The following KCNMB2 variants were observed in gnomAD, a reference collection of about 807,000 sequenced individuals.
The protein encoded by KCNMB2 is calcium-activated potassium channel subunit beta-2.
In KCNMB2, 9 loss-of-function variants were observed where a neutral mutation model predicts 24.5. The ratio of observed to expected loss-of-function variants is 0.37; its 90% CI spans 0.22 to 0.64. KCNMB2 has a LOEUF of 0.64. Ranked by LOEUF, KCNMB2 falls within the 30% of genes least tolerant of loss-of-function variation. The pLI is 0.63. For synonymous variants in KCNMB2, 109 were observed against 104.4 expected (o/e 1.04, Z -0.27); for missense variants, 226 against 284.3 (o/e 0.79, Z 1.47).
At chr3:178,600,057 T>C (rs1718023813) in intron 1 of KCNMB2, among the ~76,000 whole-genome samples, 1 of 152,136 alleles carries the variant, frequency 6.6e-6, no homozygotes, top group South Asian at 2.1e-4. Context: ...TTTGTATTTT[T>C]AGTAGAGAAG....
intron 1 of KCNMB2, among the ~76,000 whole-genome samples, chr3:178,609,691 C>A (rs1442650019): frequency 6.6e-6 from 1 of 151,500 alleles, no homozygotes; most frequent in African/African-American, 2.4e-5. Context: ...GCTTGGAGTG[C>A]AGTGGTGCCA....
intron 1 of KCNMB2, among the ~76,000 whole-genome samples, chr3:178,693,068 A>G (rs1280574055): frequency 6.6e-6 from 1 of 152,220 alleles, no homozygotes; most frequent in Non-Finnish European, 1.5e-5. Flanking sequence ...GCTGGTGTAT[A>G]GAAATGCTCA....
rs148337239 is a variant in KCNMB2 at position 178,541,330 on chromosome 3, C to T, written c.-68+4619C>T. Among the ~76,000 whole-genome samples the T allele has an allele frequency of 8.8e-3, 1,339 of 152,216 alleles. 14 individuals carry two copies. The highest frequency in any genetic ancestry group is 0.03 in the South Asian group (145 of 4,812). On this transcript the variant is annotated intron_variant, in intron 1 of 4. Coordinates refer to ENST00000452583, the MANE Select transcript of KCNMB2 (RefSeq NM_181361.3). ...CAAATGACTATAAATGTTGACACGT[C>T]CTATATTTTCTTTGCTCTCCCCTGG...
intron 1 of KCNMB2, chr3:178,558,810 T>C (rs1210599685): frequency 6.6e-6 from 1 of 152,240 alleles, no homozygotes; most frequent in Non-Finnish European, 1.5e-5. Flanking sequence ...GGAAGGGCAC[T>C]GCACCTTGGT....
chr3:178,609,868 G>T (rs1379466724), intron 1 of KCNMB2, among the ~76,000 whole-genome samples: 1 of 152,000 alleles, frequency 6.6e-6, no homozygotes, highest in East Asian at 1.9e-4. Flanking sequence ...AAGCTCCTGG[G>T]ATCAAGCAAT....
chr3:178,649,974 G>A (rs554475965), intron 1 of KCNMB2, among the ~76,000 whole-genome samples: 36 of 152,232 alleles, frequency 2.4e-4, no homozygotes, highest in African/African-American at 7.2e-4. Context: ...TCTCCTGTGG[G>A]CATTTAGCGC....
chr3:178,629,791 C>G (rs567636989), intron 1 of KCNMB2, among the ~76,000 whole-genome samples: 1 of 152,298 alleles, frequency 6.6e-6, no homozygotes, highest in South Asian at 2.1e-4. Flanking sequence ...AATGAATAGT[C>G]AACCAGAAGT....
At chr3:178,755,720 C>T (rs1344699663) in intron 1 of KCNMB2, among the ~76,000 whole-genome samples, 1 of 152,078 alleles carries the variant, frequency 6.6e-6, no homozygotes, top group East Asian at 1.9e-4. Flanking sequence ...AAACTTTCGG[C>T]TATTGGAAAT....
intron 2 of KCNMB2, among the ~76,000 whole-genome samples, chr3:178,807,704 A>T (rs1357980901): frequency 1.3e-5 from 2 of 152,118 alleles, no homozygotes; most frequent in African/African-American, 4.8e-5. Flanking sequence ...CCATGTCACA[A>T]GCTCTTTGCT....
chr3:178,729,189 C>G (rs538233715), intron 1 of KCNMB2: 1 of 152,298 alleles, frequency 6.6e-6, no homozygotes, highest in African/African-American at 2.4e-5. Context: ...AACAGTTCCT[C>G]AGTACTGTAT....
At chr3:178,778,971 G>A (rs772290041) in intron 1 of KCNMB2, among the ~76,000 whole-genome samples, 3 of 152,142 alleles carry the variant, frequency 2.0e-5, no homozygotes, top group Non-Finnish European at 4.4e-5. Flanking sequence ...CCATGGCATG[G>A]AATACAAGAA....
intron 1 of KCNMB2, among the ~76,000 whole-genome samples, chr3:178,711,980 C>T (rs1355656820): frequency 6.6e-6 from 1 of 152,194 alleles, no homozygotes; most frequent in African/African-American, 2.4e-5. Flanking sequence ...AATGTTGGCT[C>T]CCTCAGTTCC....
At chr3:178,732,093 C>T (rs753393528) in intron 1 of KCNMB2, among the ~76,000 whole-genome samples, 2 of 151,454 alleles carry the variant, frequency 1.3e-5, no homozygotes, top group African/African-American at 2.4e-5. Context: ...AGAGAGAGGT[C>T]GAGAGAAAAT....
At position 178,667,465 on chromosome 3, in the gene KCNMB2, T is replaced by C. The variant is rs538819537; in HGVS notation, c.-68+130754T>C. Among the ~76,000 whole-genome samples, 13 of 152,168 alleles carry C rather than the reference T, an allele frequency of 8.5e-5. No individual in the cohort carries two copies. In the East Asian group the frequency reaches 2.5e-3, roughly 30 times the overall value. ...TTGTGAGGACACACCAAGAAGGCCCTCCCAAGACGCCAAATGCTGATGCCT... is the reference window on the plus strand; with the variant it reads ...TTGTGAGGACACACCAAGAAGGCCCCCCCAAGACGCCAAATGCTGATGCCT... On this transcript the variant is annotated intron_variant, in intron 1 of 4. Transcript: ENST00000452583.
intron 1 of KCNMB2, among the ~76,000 whole-genome samples, chr3:178,750,460 G>T (rs1403616721): frequency 6.6e-6 from 1 of 152,018 alleles, no homozygotes; most frequent in Non-Finnish European, 1.5e-5. Context: ...CATTGATAAG[G>T]GCAATAGAAA....
intron 4 of KCNMB2, among the ~76,000 whole-genome samples, chr3:178,833,094 A>T: frequency 6.6e-6 from 1 of 152,016 alleles, no homozygotes; most frequent in Non-Finnish European, 1.5e-5. Flanking sequence ...GCCATTCAGG[A>T]TCACCTCATT....
intron 1 of KCNMB2, among the ~76,000 whole-genome samples, chr3:178,681,881 C>T (rs147876264): frequency 6.6e-5 from 10 of 152,262 alleles, no homozygotes; most frequent in South Asian, 4.2e-4. Context: ...GAATGGTCTG[C>T]GGGGAGAGCA....
At chr3:178,714,431 C>T (rs1722552811) in intron 1 of KCNMB2, among the ~76,000 whole-genome samples, 1 of 152,176 alleles carries the variant, frequency 6.6e-6, no homozygotes, top group South Asian at 2.1e-4. Flanking sequence ...CTTCCTGAGA[C>T]ATCTGGGAAG....
intron 1 of KCNMB2, among the ~76,000 whole-genome samples, chr3:178,572,992 T>C (rs111426313): frequency 2.6e-5 from 4 of 152,230 alleles, no homozygotes; most frequent in South Asian, 2.1e-4. Context: ...ATGAACAAAA[T>C]GTGAAAATGT....
Sources: gnomAD v4.1 joint callset for allele counts (sites outside exome capture counted in the v4.1 genomes callset) on GRCh38, gnomAD v4.1.1 for gene constraint, MANE v1.5 for transcripts, NCBI Gene and HGNC (gene_info 2026-07-23, HGNC 2026-07-21) for gene names.